Variants in PPFIA3 observed in about 807,000 individuals in gnomAD.
The protein encoded by PPFIA3 is liprin-alpha-3.
In PPFIA3, 26 loss-of-function variants were observed where a neutral mutation model predicts 145.8. The observed-to-expected ratio is 0.18, with a 90% CI of 0.13 to 0.25. PPFIA3 has a LOEUF of 0.25. PPFIA3 is among the 10% of genes least tolerant of loss of function. The pLI, the probability that PPFIA3 is intolerant of heterozygous loss-of-function variation, is 1.00. For synonymous variants in PPFIA3, 645 were observed against 661.4 expected, an observed-to-expected ratio of 0.98 and a Z score of 0.38; for missense variants, 1,008 against 1,587.8, an observed-to-expected ratio of 0.63 and a Z score of 6.21.
At chr19:49,127,758 C>T in intron 1 of PPFIA3, 101 bp from the exon 2 acceptor site, 1 of 1,414,610 alleles carries the variant, frequency 7.1e-7, no homozygotes, top group Non-Finnish European at 9.4e-7. Flanking sequence ...CTTGGTTTGC[C>T]CCCAACTATT....
chr19:49,141,211 TA>T (rs1036302523), intron 18 of PPFIA3, among the ~76,000 whole-genome samples: 6 of 152,106 alleles, frequency 3.9e-5, no homozygotes, highest in Non-Finnish European at 5.9e-5. Context: ...ACTGCCACCT[TA>T]CCAAGGGCAT....
At position 49,150,093 on chromosome 19, in the gene PPFIA3, G is replaced by T; in HGVS notation, c.3540G>T (p.Gly1180=). The change falls in exon 29 of 30, where the codon GGG becomes GGT. Residue 1180 remains glycine (G), a synonymous_variant. Coordinates refer to ENST00000334186, the MANE Select transcript of PPFIA3 (RefSeq NM_003660.4). The part of the protein sequence containing the change: ...RKLQPEGQTS[G]SSRADGVSVR... ...CTCTCCCTCCAGGCCAGACTTCTGG[G>T]AGTTCCCGGGCAGACGGCGTTTCGG... 1 of 1,610,388 alleles carries T rather than the reference G, an allele frequency of 6.2e-7. No homozygotes were observed. Among genetic ancestry groups the T allele is most frequent in the East Asian group, 2.2e-5 (1 of 44,784 alleles).
At chr19:49,123,558 C>A (rs2040962280) in intron 1 of PPFIA3, among the ~76,000 whole-genome samples, 1 of 152,080 alleles carries the variant, frequency 6.6e-6, no homozygotes, top group Admixed American at 6.6e-5. Flanking sequence ...TCTCCTGCCT[C>A]AGCCCCTCGA....
In PPFIA3 at chr19:49,127,913, C is replaced by T; in HGVS notation, c.40C>T (p.Arg14Trp). ...GATGCCCACCATCAGCGAGGATGGC[C>T]GGCGGGGCTCGGCGCTGGGCCCGGA... ...EVMPTISEDG[R>W]RGSALGPDEA... Residue 14 changes from arginine (R) to tryptophan (W), a missense_variant, in exon 2 of 30, where the codon CGG (arginine) becomes TGG (tryptophan). By Grantham distance (101) the Arg-to-Trp change is moderately radical (BLOSUM62 -3). Around this residue, in one of 11 missense-constraint regions of PPFIA3, gnomAD observed 108 missense variants for 144.3 expected, o/e 0.75. Coordinates refer to ENST00000334186, the MANE Select transcript of PPFIA3 (RefSeq NM_003660.4). 6.3e-7 allele frequency: 1 copy of T among 1,592,366 alleles called. No homozygotes were observed. The highest frequency in any genetic ancestry group is 1.1e-5 in the South Asian group (1 of 90,674).
Position 49,138,419 on chromosome 19 carries a change from G to A in PPFIA3, c.2068G>A (p.Asp690Asn), listed in dbSNP as rs778519754. ...CCCTAGCCCTGCCCGTGAGGGCACC[G>A]ACAAGGCTGTGAGTGCTCTGAAGTC... is the stretch of plus-strand genomic sequence containing the variant. ...APPSPAREGT[D>N]KANHVPKEEA... The change falls in exon 16 of 30, where the codon GAC becomes AAC. Residue 690 changes from aspartate (D) to asparagine (N), a missense_variant. Asp to Asn is a conservative substitution (Grantham distance 23). Transcript: ENST00000334186. 2.7e-5 allele frequency: 41 copies of A among 1,542,972 alleles called. No homozygotes were observed. The highest frequency in any genetic ancestry group is 6.9e-5 in the East Asian group (3 of 43,496).
Position 49,148,211 on chromosome 19 carries a change from CAAG to C in PPFIA3, c.2968_2970del (p.Lys990del), listed in dbSNP as rs2041301860. ...ACGCTCGAATGTTAGATCACCTTAA[CAAG>C]AAGGAGCTCCGGGGCCAACTCAAGA... On this transcript the variant is annotated inframe_deletion, in exon 24 of 30. Transcript: ENST00000334186. 6.2e-7 allele frequency: 1 copy of C among 1,614,084 alleles called. No individual in the cohort carries two copies. The highest frequency in any genetic ancestry group is 1.3e-5 in the African/African-American group (1 of 74,936).
intron 14 of PPFIA3, 92 bp downstream of exon 14, chr19:49,136,015 C>T: frequency 1.5e-6 from 2 of 1,371,150 alleles, no homozygotes; most frequent in Non-Finnish European, 9.5e-7. Context: ...CGGGAGGAAG[C>T]TGGGTTGAGA....
At position 49,128,973 on chromosome 19, in the gene PPFIA3, A is replaced by T. The variant is rs35298280; in HGVS notation, c.468A>T (p.Leu156=). 3.1e-6 allele frequency: 5 copies of T among 1,612,206 alleles called. No homozygotes were observed. In the Admixed American group the frequency reaches 8.4e-5, roughly 27 times the overall value. ...VSSEVEVLKA[L]KSLFEHHKAL... is the part of the protein sequence containing the mutation. Reference sequence around the variant, plus strand: ...CGGAGGTAGAAGTGCTCAAAGCTCTAAAGTCTCTCTTCGAGCACCACAAGG... The same window carrying T: ...CGGAGGTAGAAGTGCTCAAAGCTCTTAAGTCTCTCTTCGAGCACCACAAGG... The change falls in exon 4 of 30, where the codon CTA becomes CTT. Residue 156 remains leucine, a synonymous_variant. Transcript: ENST00000334186. The surrounding 1 kb of genome is among the most constrained non-coding windows in gnomAD (Gnocchi z 4.1).
At chr19:49,135,746 C>G (rs774125842) in intron 13 of PPFIA3, 33 bp from the exon 14 acceptor site, 1 of 1,582,696 alleles carries the variant, frequency 6.3e-7, no homozygotes, top group Admixed American at 1.8e-5. Flanking sequence ...TTCCTGACCC[C>G]TTGGTCTCTG....
chr19:49,146,697 A>C (rs2041285180), intron 23 of PPFIA3, among the ~76,000 whole-genome samples: 1 of 152,196 alleles, frequency 6.6e-6, no homozygotes, highest in South Asian at 2.1e-4. Context: ...TAGGAGGCTG[A>C]GGTGGGCAGA....
chr19:49,127,384 A>T (rs1339582303), intron 1 of PPFIA3, among the ~76,000 whole-genome samples: 1 of 69,778 alleles, frequency 1.4e-5, no homozygotes, highest in Non-Finnish European at 2.6e-5. Flanking sequence ...CACTCCAGCT[A>T]AAAAAAAAAA....
intron 21 of PPFIA3, 90 bp downstream of exon 21, chr19:49,143,094 C>T (rs918833400): frequency 1.4e-5 from 20 of 1,395,362 alleles, no homozygotes; most frequent in African/African-American, 4.2e-5. Context: ...TGCTCACTCC[C>T]CTGTCCCACG....
At chr19:49,126,542 C>T (rs967955439) in intron 1 of PPFIA3, among the ~76,000 whole-genome samples, 4 of 150,208 alleles carry the variant, frequency 2.7e-5, no homozygotes, top group Non-Finnish European at 4.4e-5. Flanking sequence ...TGAGCCACTG[C>T]GCCCAGTCCT....
rs943494287 is a variant in PPFIA3 at position 49,133,533 on chromosome 19, G to A, written c.1161+162G>A. 6.6e-6 allele frequency among the ~76,000 whole-genome samples: 1 copy of A among 152,152 alleles called. No homozygotes were observed. The highest frequency in any genetic ancestry group is 1.5e-5 in the Non-Finnish European group (1 of 68,034). ...AAAGGGACAGGACTTGGAATGGGGA[G>A]GGCCTGGAGGTTTGCGCGGGGGACG... On this transcript the variant is annotated intron_variant, in intron 9 of 29. Transcript: ENST00000334186. This position sits in a 1 kb window ranked among gnomAD's most constrained non-coding sequence, Gnocchi z 7.2.
chr19:49,142,758 TCCTCTGTCCCTCTGTCCCCTCTGTC>T lies in PPFIA3; in HGVS notation c.2545-33_2545-9del, dbSNP rs751185536. On this transcript the variant is annotated intron_variant, in intron 20 of 29. Coordinates refer to ENST00000334186, the MANE Select transcript of PPFIA3 (RefSeq NM_003660.4). ...TTCCCCCATCTCTCCGATTTTCTCC[TCCTCTGTCCCTCTGTCCCCTCTGTC>T]CCTCTGTCCCTCCGCTGCAGCTGTG... 1,227 of 1,382,250 alleles carry T rather than the reference TCCTCTGTCCCTCTGTCCCCTCTGTC, an allele frequency of 8.9e-4. 2 individuals carry two copies. Among genetic ancestry groups the T allele is most frequent in the Non-Finnish European group, 1.1e-3 (1,109 of 1,015,930 alleles). The allele number at this position is 1,382,250 out of a possible 1,614,324, so 85.6% of individuals were successfully genotyped here.
At position 49,129,973 on chromosome 19, in the gene PPFIA3, T is replaced by C. The variant is rs556666036; in HGVS notation, c.583-20T>C. On this transcript the variant is annotated intron_variant, in intron 5 of 29. Transcript: ENST00000334186. ...GGTTCAGGGAGCCCCTGTGCTCTGA[T>C]TCCCCTTTCACACTTCCAGACTCTG... 2.5e-6 allele frequency: 4 copies of C among 1,612,988 alleles called. No individual in the cohort carries two copies. Among genetic ancestry groups the C allele is most frequent in the African/African-American group, 1.3e-5 (1 of 74,962 alleles).
In PPFIA3 at chr19:49,146,015, C is replaced by T. The variant is rs753188859; in HGVS notation, c.2808+10C>T. On this transcript the variant is annotated intron_variant, in intron 22 of 29. Transcript: ENST00000334186. ...GGCCACGACCAAGCCCGTGAGTGCC[C>T]CCTGCCGGCCGCCTTGGGGGTGGCA... 27 of 1,613,764 alleles carry T rather than the reference C, an allele frequency of 1.7e-5. No homozygotes were observed. Among genetic ancestry groups the T allele is most frequent in the Admixed American group, 1.2e-4 (7 of 59,998 alleles).
chr19:49,123,393 C>A (rs944301239), intron 1 of PPFIA3, among the ~76,000 whole-genome samples: 3 of 151,988 alleles, frequency 2.0e-5, no homozygotes, highest in African/African-American at 7.2e-5. Flanking sequence ...CCTTGGCCTT[C>A]CAAAGTGCTG....
intron 11 of PPFIA3, 120 bp downstream of exon 11, chr19:49,134,285 CCTG>C (rs2041111218): frequency 3.7e-6 from 5 of 1,361,478 alleles, no homozygotes; most frequent in Non-Finnish European, 5.0e-6. Context: ...ACCCCGGCAT[CCTG>C]AGTTGGGCAG....
Sources: gnomAD v4.1 joint callset for allele counts (sites outside exome capture counted in the v4.1 genomes callset) on GRCh38, gnomAD v4.1.1 for gene constraint, gnomAD v4.1.1 regional missense constraint, Gnocchi (gnomAD v3.1) non-coding constraint, MANE v1.5 for transcripts, NCBI Gene and HGNC (gene_info 2026-07-23, HGNC 2026-07-21) for gene names.